CACHD1: variants seen among roughly 807,000 people sequenced by gnomAD.
The protein encoded by CACHD1 is VWFA and cache domain-containing protein 1.
CACHD1 carries 71 observed loss-of-function variants against 138.7 expected under a neutral mutation model. The ratio of observed to expected loss-of-function variants is 0.51; its 90% CI spans 0.42 to 0.62. The LOEUF (loss-of-function observed/expected upper bound fraction) is 0.62. CACHD1 is among the 20% of genes least tolerant of loss of function. The pLI is 0.00. For missense variants in CACHD1, 1,389 were observed against 1,625.3 expected (o/e 0.85, Z 2.50); for synonymous variants, 578 against 591.5 (o/e 0.98, Z 0.33).
intron 2 of CACHD1, among the ~76,000 whole-genome samples, chr1:64,551,215 T>G (rs753538820): frequency 1.3e-5 from 2 of 151,890 alleles, no homozygotes; most frequent in Non-Finnish European, 2.9e-5. Context: ...TTCTTTTTCT[T>G]TCCTCTTTTT....
chr1:64,624,159 G>T (rs752758467), intron 4 of CACHD1, among the ~76,000 whole-genome samples: 8 of 152,326 alleles, frequency 5.3e-5, no homozygotes, highest in Middle Eastern at 3.4e-3. Flanking sequence ...ATCATCTTCT[G>T]CTAGTACCAA....
chr1:64,659,959 G>A (rs1399207759), intron 13 of CACHD1, among the ~76,000 whole-genome samples: 1 of 152,184 alleles, frequency 6.6e-6, no homozygotes, highest in Non-Finnish European at 1.5e-5. Context: ...GATCAGAAGA[G>A]CAGGCTGGAC....
intron 2 of CACHD1, among the ~76,000 whole-genome samples, chr1:64,561,858 C>CT (rs372196921): frequency 8.6e-6 from 1 of 116,480 alleles, no homozygotes; most frequent in Non-Finnish European, 1.7e-5. Context: ...ACACTGTCTC[C>CT]AAAAAAAAAA....
At chr1:64,602,724 T>G in intron 3 of CACHD1, 82 bp from the exon 4 acceptor site, 1 of 863,868 alleles carries the variant, frequency 1.2e-6, no homozygotes, top group East Asian at 2.5e-5. Flanking sequence ...TGACCTATCT[T>G]GTACACAATG....
At chr1:64,502,529 TG>T (rs1313628668) in intron 1 of CACHD1, among the ~76,000 whole-genome samples, 11 of 151,668 alleles carry the variant, frequency 7.3e-5, no homozygotes, top group African/African-American at 2.7e-4. Context: ...CCTCTCTCTG[TG>T]TGTGTATGTG....
intron 8 of CACHD1, among the ~76,000 whole-genome samples, chr1:64,643,671 C>T (rs1349847351): frequency 6.6e-6 from 1 of 152,044 alleles, no homozygotes; most frequent in Non-Finnish European, 1.5e-5. Context: ...CCCATCTCTG[C>T]TAAAAATACA....
At chr1:64,655,532 A>G (rs1468185704) in intron 12 of CACHD1, among the ~76,000 whole-genome samples, 1 of 152,206 alleles carries the variant, frequency 6.6e-6, no homozygotes, top group Admixed American at 6.5e-5. Flanking sequence ...ACATTCTCTA[A>G]GGAAAAGAAA....
intron 26 of CACHD1, among the ~76,000 whole-genome samples, chr1:64,684,459 G>T (rs1006930502): frequency 2.1e-5 from 3 of 140,980 alleles, no homozygotes; most frequent in African/African-American, 8.0e-5. Context: ...CTAGAAAAAA[G>T]CTTATAGAAT....
At chr1:64,508,007 C>T (rs1012028647) in intron 1 of CACHD1, among the ~76,000 whole-genome samples, 1 of 152,106 alleles carries the variant, frequency 6.6e-6, no homozygotes, top group African/African-American at 2.4e-5. Context: ...ATAGGCTGTA[C>T]AGAAAACGTG....
intron 16 of CACHD1, among the ~76,000 whole-genome samples, chr1:64,666,645 G>A (rs6696308): frequency 0.22 from 33,819 of 151,808 alleles, 6,213 homozygotes; most frequent in East Asian, 0.71. Flanking sequence ...GAGAGGCTGA[G>A]ATGGGCGGAT....
intron 17 of CACHD1, among the ~76,000 whole-genome samples, chr1:64,671,974 A>G (rs1649833961): frequency 6.6e-6 from 1 of 152,214 alleles, no homozygotes; most frequent in African/African-American, 2.4e-5. Context: ...GAGGCTTCCC[A>G]TATCTTTGGT....
chr1:64,566,386 A>AT (rs1646880492), intron 2 of CACHD1, among the ~76,000 whole-genome samples: 1 of 150,880 alleles, frequency 6.6e-6, no homozygotes, highest in Admixed American at 6.7e-5. Context: ...GCACAAAGAA[A>AT]TTCCCTTTCC....
intron 2 of CACHD1, among the ~76,000 whole-genome samples, chr1:64,574,223 G>A (rs887270842): frequency 1.1e-4 from 16 of 152,182 alleles, no homozygotes; most frequent in African/African-American, 3.6e-4. Flanking sequence ...TACTCAGCAC[G>A]AGCTTGGGCA....
chr1:64,552,895 G>T (rs77805650), intron 2 of CACHD1, among the ~76,000 whole-genome samples: 15,908 of 152,180 alleles, frequency 0.1, 888 homozygotes, highest in African/African-American at 0.14. Context: ...GGGAATTATC[G>T]TACAATCTAT....
Position 64,581,246 on chromosome 1 carries a change from A to G in CACHD1, c.262-910A>G, listed in dbSNP as rs561594591. 8.5e-5 allele frequency among the ~76,000 whole-genome samples: 13 copies of G among 152,318 alleles called. No individual in the cohort carries two copies. The East Asian group carries it at 1.9e-3, about 23-fold the overall frequency. On this transcript the variant is annotated intron_variant, in intron 2 of 26. Transcript: ENST00000651257. ...ATTTGACTCCATGTTCTCAGCCTGGAAGCTATTGGATTGTGTGAGACGCAT... is the reference window on the plus strand; with the variant it reads ...ATTTGACTCCATGTTCTCAGCCTGGGAGCTATTGGATTGTGTGAGACGCAT...
chr1:64,577,068 T>C (rs1646974364), intron 2 of CACHD1, among the ~76,000 whole-genome samples: 1 of 152,020 alleles, frequency 6.6e-6, no homozygotes, highest in Non-Finnish European at 1.5e-5. Context: ...CTCAGCCCTC[T>C]GGGTAGCTGG....
chr1:64,491,921 G>T (rs933412012), intron 1 of CACHD1, among the ~76,000 whole-genome samples: 3 of 150,314 alleles, frequency 2.0e-5, no homozygotes, highest in African/African-American at 7.4e-5. Context: ...GCACCCAGCG[G>T]TTTTTTTTGT....
At chr1:64,601,721 T>G (rs1309651385) in intron 3 of CACHD1, among the ~76,000 whole-genome samples, 2 of 152,234 alleles carry the variant, frequency 1.3e-5, no homozygotes, top group Non-Finnish European at 2.9e-5. Flanking sequence ...AGTGGTCAAA[T>G]GGATATTGCT....
chr1:64,686,318 A>G (rs933838026), intron 26 of CACHD1, among the ~76,000 whole-genome samples: 1 of 152,242 alleles, frequency 6.6e-6, no homozygotes, highest in Non-Finnish European at 1.5e-5. Flanking sequence ...TGATCCTAGA[A>G]TTGAATGAAA....
Sources: allele counts gnomAD v4.1 joint callset (sites outside exome capture counted in the v4.1 genomes callset), GRCh38; gene constraint gnomAD v4.1.1; transcripts MANE v1.5; gene names NCBI Gene and HGNC (gene_info 2026-07-23, HGNC 2026-07-21).